Variants in IMMP2L observed in about 807,000 individuals in gnomAD.
IMMP2L encodes inner mitochondrial membrane peptidase subunit 2, also known as mitochondrial inner membrane protease subunit 2.
A neutral mutation model predicts 19.3 loss-of-function variants in IMMP2L; 18 were observed. The ratio of observed to expected loss-of-function variants is 0.93; its 90% CI spans 0.64 to 1.38. The LOEUF is 1.38. Among genes scored for constraint, IMMP2L ranks in the 40% most tolerant of loss-of-function variants. The pLI, the probability that IMMP2L is intolerant of heterozygous loss-of-function variation, is 0.00. For synonymous variants in IMMP2L, 76 were observed against 73.0 expected (o/e 1.04, Z -0.21); for missense variants, 233 against 218.2 (o/e 1.07, Z -0.43).
chr7:111,435,230 T>C (rs1337815074), intron 3 of IMMP2L, among the ~76,000 whole-genome samples: 1 of 151,840 alleles, frequency 6.6e-6, no homozygotes, highest in Non-Finnish European at 1.5e-5. Context: ...ATGCTTGAAA[T>C]TATATCTTTA....
At position 111,154,387 on chromosome 7, in the gene IMMP2L, C is replaced by G. The variant is rs76096084; in HGVS notation, c.240-190822G>C. 3.2e-3 allele frequency among the ~76,000 whole-genome samples: 488 copies of G among 151,948 alleles called. 8 individuals carry two copies. The highest frequency in any genetic ancestry group is 0.011 in the African/African-American group (459 of 41,456). ...ATACATACATATTTTTAGGATCTTC[C>G]CAGTGAGAATTATAAGCATCACATC... On this transcript the variant is annotated intron_variant, in intron 3 of 5. Coordinates refer to ENST00000405709, the MANE Select transcript of IMMP2L (RefSeq NM_032549.4).
intron 3 of IMMP2L, among the ~76,000 whole-genome samples, chr7:111,015,390 C>CA (rs1258673578): frequency 6.6e-6 from 1 of 151,958 alleles, no homozygotes; most frequent in Non-Finnish European, 1.5e-5. Context: ...TGGTGGTTAC[C>CA]AGTGGCAAGA....
chr7:111,195,735 A>T (rs1809402044), intron 3 of IMMP2L, among the ~76,000 whole-genome samples: 1 of 16 alleles, frequency 0.062, no homozygotes, highest in South Asian at 0.5. Context: ...TTTCCAGAGC[A>T]TGATAAATTT....
chr7:110,777,927 A>C (rs1468371632), intron 5 of IMMP2L, among the ~76,000 whole-genome samples: 1 of 152,134 alleles, frequency 6.6e-6, no homozygotes, highest in East Asian at 1.9e-4. Flanking sequence ...TTAGTCTAAA[A>C]AGGGAAACCT....
intron 3 of IMMP2L, among the ~76,000 whole-genome samples, chr7:111,134,444 C>CA (rs1025294023): frequency 2.5e-4 from 38 of 151,978 alleles, no homozygotes; most frequent in African/African-American, 8.9e-4. Flanking sequence ...TCCTAAGAAG[C>CA]AAAGTTTTAT....
intron 3 of IMMP2L, among the ~76,000 whole-genome samples, chr7:111,234,151 ATTC>A (rs912840859): frequency 3.9e-4 from 59 of 152,142 alleles, no homozygotes; most frequent in African/African-American, 1.3e-3. Context: ...TATTTCCTTA[ATTC>A]TTCTTTTATT....
chr7:111,049,240 T>C (rs1373954547), intron 3 of IMMP2L, among the ~76,000 whole-genome samples: 6 of 148,532 alleles, frequency 4.0e-5, no homozygotes, highest in East Asian at 2.0e-4. Flanking sequence ...ACGCCATTCT[T>C]CTGCCTCAGC....
chr7:111,096,935 T>C (rs537575576), intron 3 of IMMP2L: 1 of 152,024 alleles, frequency 6.6e-6, no homozygotes, highest in Admixed American at 6.6e-5. Context: ...CTAGGGGAGA[T>C]TGTGTCTGTC....
At chr7:111,550,868 T>C (rs4727757) in intron 1 of IMMP2L, among the ~76,000 whole-genome samples, 143,279 of 152,150 alleles carry the variant, frequency 0.94, 67,605 homozygotes, top group East Asian at 0.97. Context: ...CAGGTACAAA[T>C]GAGATGGAGA....
intron 4 of IMMP2L, among the ~76,000 whole-genome samples, chr7:110,897,606 A>C (rs1811453903): frequency 6.6e-6 from 1 of 152,202 alleles, no homozygotes; most frequent in African/African-American, 2.4e-5. Flanking sequence ...TAGTGCCATA[A>C]CATAACTATG....
At chr7:111,392,084 C>A in intron 3 of IMMP2L, 1 of 670,358 alleles carries the variant, frequency 1.5e-6, no homozygotes, top group Non-Finnish European at 2.7e-6. Context: ...CAGCAATGTG[C>A]AAACTATATT....
Position 111,264,001 on chromosome 7 carries a change from C to A in IMMP2L, c.239+223237G>T, listed in dbSNP as rs112871572. 1.5e-3 allele frequency among the ~76,000 whole-genome samples: 230 copies of A among 152,128 alleles called. 2 individuals are homozygous for A. The Middle Eastern group carries it at 0.017, about 11-fold the overall frequency. On this transcript the variant is annotated intron_variant, in intron 3 of 5. Coordinates refer to ENST00000405709, the MANE Select transcript of IMMP2L (RefSeq NM_032549.4). ...CATTTTAGATATCTAAAAATAATTCCTAAGGTTCTGGCTAGGATAAATGGG... is the reference window on the plus strand; with the variant it reads ...CATTTTAGATATCTAAAAATAATTCATAAGGTTCTGGCTAGGATAAATGGG...
At position 111,505,308 on chromosome 7, in the gene IMMP2L, A is replaced by C. The variant is rs1325677479; in HGVS notation, c.135+16005T>G. Among the ~76,000 whole-genome samples, 3 of 151,074 alleles carry C rather than the reference A, an allele frequency of 2.0e-5. No individual in the cohort carries two copies. In the East Asian group the frequency reaches 5.8e-4, roughly 29 times the overall value. ...CACACCAGTTAGAATGGCAATCATT[A>C]AAAAGTCAGGAAACAACAGGTGCTG... On this transcript the variant is annotated intron_variant, in intron 2 of 5. Transcript: ENST00000405709.
Position 110,671,686 on chromosome 7 carries a change from C to G in IMMP2L, c.409-7965G>C, listed in dbSNP as rs555451090. On this transcript the variant is annotated intron_variant, in intron 5 of 5. Coordinates refer to ENST00000405709, the MANE Select transcript of IMMP2L (RefSeq NM_032549.4). ...TGTGTGGCTTTTGTTCCCTCCCCTCCCTTTCCACAAACCTATAGTCTACCT... is the reference window on the plus strand; with the variant it reads ...TGTGTGGCTTTTGTTCCCTCCCCTCGCTTTCCACAAACCTATAGTCTACCT... Among the ~76,000 whole-genome samples, 71 of 152,236 alleles carry G rather than the reference C, an allele frequency of 4.7e-4. No individual in the cohort carries two copies. In the South Asian group the frequency reaches 0.01, roughly 22 times the overall value.
intron 1 of IMMP2L, among the ~76,000 whole-genome samples, chr7:111,526,623 T>A (rs1436589614): frequency 1.3e-5 from 2 of 152,192 alleles, no homozygotes; most frequent in Non-Finnish European, 2.9e-5. Context: ...CAAATAACAC[T>A]GAGCAAGATT....
chr7:111,410,665 C>A (rs569398656), intron 3 of IMMP2L, among the ~76,000 whole-genome samples: 1 of 151,046 alleles, frequency 6.6e-6, no homozygotes, highest in Non-Finnish European at 1.5e-5. Flanking sequence ...AAAATAAGTT[C>A]AATAAGATTA....
chr7:111,291,979 C>T (rs887322054), intron 3 of IMMP2L, among the ~76,000 whole-genome samples: 1 of 152,190 alleles, frequency 6.6e-6, no homozygotes, highest in Non-Finnish European at 1.5e-5. Flanking sequence ...TAAATCACTA[C>T]TGTGGTGATT....
rs117770156 is a variant in IMMP2L, at chr7:111,128,568, G to A, written c.240-165003C>T. ...TAGGCTGAGTGTGATGGCTCAAGCC[G>A]GTAATCCCAACACTATGGGAGGCTT... On this transcript the variant is annotated intron_variant, in intron 3 of 5. Coordinates refer to ENST00000405709, the MANE Select transcript of IMMP2L (RefSeq NM_032549.4). Among the ~76,000 whole-genome samples, 57 of 152,158 alleles carry A rather than the reference G, an allele frequency of 3.7e-4. No homozygotes were observed. The East Asian group carries it at 9.1e-3, about 24-fold the overall frequency.
At chr7:111,520,642 T>C (rs183383290) in intron 2 of IMMP2L, among the ~76,000 whole-genome samples, 1 of 152,234 alleles carries the variant, frequency 6.6e-6, no homozygotes, top group East Asian at 1.9e-4. Flanking sequence ...TTAATACATA[T>C]TGATAATACA....
Sources: gnomAD v4.1 joint callset for allele counts (sites outside exome capture counted in the v4.1 genomes callset) on GRCh38, gnomAD v4.1.1 for gene constraint, MANE v1.5 for transcripts, NCBI Gene and HGNC (gene_info 2026-07-23, HGNC 2026-07-21) for gene names.